ADGRF4: variants seen among roughly 807,000 people sequenced by gnomAD.
ADGRF4 encodes G-protein coupled receptor PGR18.
A neutral mutation model predicts 58.5 loss-of-function variants in ADGRF4; 63 were observed. The ratio of observed to expected loss-of-function variants is 1.08; its 90% CI spans 0.88 to 1.33. The LOEUF (loss-of-function observed/expected upper bound fraction) is 1.33. ADGRF4 is among the 40% of genes most tolerant of loss of function. The probability of loss-of-function intolerance (pLI) is 0.00; values close to 1 mark genes in which losing one functional copy is unlikely to be tolerated. For missense variants in ADGRF4, 931 were observed against 843.9 expected (o/e 1.10, Z -1.28); for synonymous variants, 313 against 295.4 (o/e 1.06, Z -0.61).
intron 4 of ADGRF4, among the ~76,000 whole-genome samples, chr6:47,711,982 A>T (rs1771883030): frequency 6.6e-6 from 1 of 152,212 alleles, no homozygotes; most frequent in Non-Finnish European, 1.5e-5. Context: ...AAAGTCTGAA[A>T]TTGTCATTCC....
At chr6:47,707,634 AGT>A (rs1373172690) in intron 2 of ADGRF4, among the ~76,000 whole-genome samples, 1 of 152,220 alleles carries the variant, frequency 6.6e-6, no homozygotes, top group African/African-American at 2.4e-5. Flanking sequence ...AACAATGGAG[AGT>A]CAGATCTTAA....
chr6:47,714,254 G>A lies in ADGRF4; in HGVS notation c.1009G>A (p.Glu337Lys), dbSNP rs116696585. The A allele has an allele frequency of 6.5e-4, 1,048 of 1,614,042 alleles. 4 individuals are homozygous for A. In the African/African-American group the frequency reaches 0.012, roughly 18 times the overall value. ...ERLQEIILTF[E>K]KINKTRNARA... ...GTTGCAAGAAATCATACTCACCTTC[G>A]AAAAGATCAATAAAACCCGCAATGC... Residue 337 changes from glutamate (E) to lysine (K), a missense_variant, in exon 6 of 10, where the codon GAA becomes AAA. Transcript: ENST00000283303.
At position 47,714,713 on chromosome 6, in the gene ADGRF4, T is replaced by C. The variant is rs564885837; in HGVS notation, c.1468T>C (p.Trp490Arg). 1.2e-5 allele frequency: 19 copies of C among 1,614,126 alleles called. No homozygotes were observed. In the Admixed American group the frequency reaches 2.0e-4, roughly 17 times the overall value. ...CTTTTTCTACCTCTCTCTGTTTTTC[T>C]GGATGCTCTTCAAAGCATTGCTCAT... ...SHFFYLSLFFWMLFKALLIIY... is the reference protein window; with the variant it reads ...SHFFYLSLFFRMLFKALLIIY... Residue 490 changes from tryptophan to arginine, a missense_variant, in exon 6 of 10, where the codon TGG becomes CGG. Coordinates refer to ENST00000283303, the MANE Select transcript of ADGRF4 (RefSeq NM_153838.5).
At chr6:47,716,921 G>T in intron 7 of ADGRF4, 74 bp downstream of exon 7, 5 of 1,008,650 alleles carry the variant, frequency 5.0e-6, no homozygotes, top group South Asian at 4.1e-5. Flanking sequence ...AAGCAGTTTT[G>T]ATTGGAGAGC....
intron 1 of ADGRF4, among the ~76,000 whole-genome samples, chr6:47,702,167 T>C (rs182236045): frequency 6.6e-6 from 1 of 152,336 alleles, no homozygotes; most frequent in Admixed American, 6.5e-5. Flanking sequence ...AGTGAATTGG[T>C]AAATCCTGGG....
At chr6:47,701,510 G>A (rs191490529) in intron 1 of ADGRF4, among the ~76,000 whole-genome samples, 16 of 152,272 alleles carry the variant, frequency 1.1e-4, no homozygotes, top group African/African-American at 3.9e-4. Context: ...CAATTGGAGG[G>A]AATTTATAAA....
chr6:47,717,967 A>G (rs1460072909), intron 8 of ADGRF4, among the ~76,000 whole-genome samples: 1 of 152,218 alleles, frequency 6.6e-6, no homozygotes, highest in Non-Finnish European at 1.5e-5. Flanking sequence ...TATTTGTTTA[A>G]CCTACAGATT....
chr6:47,710,175 G>A (rs1325091796), intron 3 of ADGRF4, among the ~76,000 whole-genome samples: 1 of 152,088 alleles, frequency 6.6e-6, no homozygotes, highest in Non-Finnish European at 1.5e-5. Context: ...ATTACCCTAG[G>A]AGCAATTGTT....
chr6:47,706,732 G>C (rs1206096832), intron 1 of ADGRF4, among the ~76,000 whole-genome samples: 1 of 152,206 alleles, frequency 6.6e-6, no homozygotes, highest in Non-Finnish European at 1.5e-5. Context: ...GATCATCTGG[G>C]TTGAACTCGT....
intron 2 of ADGRF4, 79 bp from the exon 3 acceptor site, chr6:47,708,145 T>G (rs1189177038): frequency 1.4e-5 from 15 of 1,038,572 alleles, no homozygotes; most frequent in Non-Finnish European, 2.1e-5. Flanking sequence ...TCTTTTCATA[T>G]TCATATGGAG....
At chr6:47,707,138 G>A (rs1171969770) in intron 1 of ADGRF4, 92 bp from the exon 2 acceptor site, 2 of 754,730 alleles carry the variant, frequency 2.6e-6, no homozygotes, top group East Asian at 5.1e-5. Flanking sequence ...AGTATCTAGT[G>A]GGTTCACTAA....
At chr6:47,719,938 A>G (rs1176703059) in intron 9 of ADGRF4, among the ~76,000 whole-genome samples, 1 of 152,208 alleles carries the variant, frequency 6.6e-6, no homozygotes, top group Non-Finnish European at 1.5e-5. Flanking sequence ...TTGAAGCTAC[A>G]TGAGGTAGGC....
rs1258120334 is a variant in ADGRF4, at chr6:47,714,508, C to A, written c.1263C>A (p.Ile421=). The change falls in exon 6 of 10, where the codon ATC becomes ATA. Residue 421 remains isoleucine (I), a synonymous_variant. Transcript: ENST00000283303. The part of the protein sequence containing the change: ...VSILSLVLCL[I]IEATVWSRVV... Reference sequence around the variant, plus strand: ...TCCTAAGCTTGGTTCTTTGCCTGATCATTGAAGCCACAGTGTGGTCCCGGG... The same window carrying A: ...TCCTAAGCTTGGTTCTTTGCCTGATAATTGAAGCCACAGTGTGGTCCCGGG... 6.2e-7 allele frequency: 1 copy of A among 1,614,120 alleles called. No individual in the cohort carries two copies. Among genetic ancestry groups the A allele is most frequent in the South Asian group, 1.1e-5 (1 of 91,074 alleles).
intron 7 of ADGRF4, 130 bp downstream of exon 7, chr6:47,716,977 C>T (rs1467144829): frequency 1.4e-6 from 1 of 690,276 alleles, no homozygotes; most frequent in Non-Finnish European, 2.6e-6. Flanking sequence ...AAGGAATCAG[C>T]TGTGAAAAGA....
Position 47,718,375 on chromosome 6 carries a change from T to A in ADGRF4, c.2035-14T>A. On this transcript the variant is annotated splice_polypyrimidine_tract_variant and intron_variant, in intron 8 of 9. Coordinates refer to ENST00000283303, the MANE Select transcript of ADGRF4 (RefSeq NM_153838.5). ...ATTACTCATTACCACTACTGTTATTTTTCCCCCACTTAGAATGCATCACTA... is the reference window on the plus strand; with the variant it reads ...ATTACTCATTACCACTACTGTTATTATTCCCCCACTTAGAATGCATCACTA... 3 of 1,455,838 alleles carry A rather than the reference T, an allele frequency of 2.1e-6. No homozygotes were observed. Among genetic ancestry groups the A allele is most frequent in the Non-Finnish European group, 2.9e-6 (3 of 1,035,870 alleles). 90.2% of individuals were successfully genotyped at this position (1,455,838 alleles called of 1,614,324 possible).
intron 3 of ADGRF4, among the ~76,000 whole-genome samples, chr6:47,709,149 G>A (rs1771798460): frequency 6.6e-6 from 1 of 150,902 alleles, no homozygotes; most frequent in South Asian, 2.1e-4. Flanking sequence ...CACTAAAGGT[G>A]ACTCTCAGGC....
At chr6:47,703,474 G>A (rs771738690) in intron 1 of ADGRF4, among the ~76,000 whole-genome samples, 2 of 152,132 alleles carry the variant, frequency 1.3e-5, no homozygotes, top group African/African-American at 2.4e-5. Flanking sequence ...CTAATCCATC[G>A]CTGCCAATCA....
rs769873478 is a variant in ADGRF4, at chr6:47,714,863, G to T, written c.1618G>T (p.Glu540Ter). ...AVTTVAITEPEKGYMRPEACW... is the reference protein window; with the variant it reads ...AVTTVAITEP ...CACTACAGTTGCTATCACAGAGCCA[G>T]AGAAAGGCTACATGAGACCTGAGGC... The change falls in exon 6 of 10, where the codon GAG becomes TAG. Residue 540 changes from glutamate to a stop codon, truncating the protein, a stop_gained. Coordinates refer to ENST00000283303, the MANE Select transcript of ADGRF4 (RefSeq NM_153838.5). LOFTEE classifies it high-confidence loss of function. 1.6e-5 allele frequency: 25 copies of T among 1,608,910 alleles called. No individual in the cohort carries two copies. The highest frequency in any genetic ancestry group is 1.3e-4 in the Admixed American group (8 of 59,932).
At chr6:47,708,138 T>G in intron 2 of ADGRF4, 86 bp from the exon 3 acceptor site, 1 of 975,816 alleles carries the variant, frequency 1.0e-6, no homozygotes, top group South Asian at 1.4e-5. Flanking sequence ...CACATTTTCT[T>G]TTCATATTCA....
Sources: allele counts gnomAD v4.1 joint callset (sites outside exome capture counted in the v4.1 genomes callset), GRCh38; gene constraint gnomAD v4.1.1; transcripts MANE v1.5; gene names NCBI Gene and HGNC (gene_info 2026-07-23, HGNC 2026-07-21).